Variants in GRIN2A observed in about 807,000 individuals in gnomAD.
GRIN2A encodes glutamate ionotropic receptor NMDA type subunit 2A.
GRIN2A carries 22 observed loss-of-function variants against 113.4 expected under a neutral mutation model. The ratio of observed to expected loss-of-function variants is 0.19; its 90% CI spans 0.14 to 0.28. The LOEUF is 0.28. GRIN2A is among the 10% of genes least tolerant of loss of function. The pLI, the probability that GRIN2A is intolerant of heterozygous loss-of-function variation, is 1.00. For missense variants in GRIN2A, 1,502 were observed against 1,887.0 expected, an observed-to-expected ratio of 0.80 and a Z score of 3.78; for synonymous variants, 827 against 738.4, an observed-to-expected ratio of 1.12 and a Z score of -1.94.
chr16:10,071,537 C>T (rs141625164), intron 2 of GRIN2A, among the ~76,000 whole-genome samples: 1 of 152,220 alleles, frequency 6.6e-6, no homozygotes, highest in East Asian at 1.9e-4. Context: ...TGCATTATGC[C>T]CCCAGGATGA....
At chr16:10,144,267 C>A (rs1050350354) in intron 2 of GRIN2A, among the ~76,000 whole-genome samples, 8 of 152,172 alleles carry the variant, frequency 5.3e-5, no homozygotes, top group Non-Finnish European at 1.0e-4. Flanking sequence ...TACATTAGCA[C>A]CAACAGTGTA....
intron 2 of GRIN2A, among the ~76,000 whole-genome samples, chr16:9,967,693 G>A (rs969149846): frequency 3.3e-5 from 5 of 151,984 alleles, no homozygotes; most frequent in African/African-American, 1.2e-4. Flanking sequence ...GCGACAGAGC[G>A]AGACTCCATC....
At chr16:9,798,511 C>G (rs750056058) in intron 10 of GRIN2A, 47 bp from the exon 11 acceptor site, 2 of 1,489,642 alleles carry the variant, frequency 1.3e-6, no homozygotes, top group Non-Finnish European at 1.9e-6. Flanking sequence ...CCAGGTACCA[C>G]CTCGGGGTCC....
At chr16:10,073,792 T>A (rs1193953478) in intron 2 of GRIN2A, among the ~76,000 whole-genome samples, 5 of 151,580 alleles carry the variant, frequency 3.3e-5, no homozygotes, top group South Asian at 2.1e-4. Context: ...AGCACGTGCC[T>A]GTAATCCCAG....
intron 2 of GRIN2A, among the ~76,000 whole-genome samples, chr16:9,946,679 C>T (rs1055269610): frequency 2.0e-5 from 3 of 152,132 alleles, no homozygotes; most frequent in Non-Finnish European, 2.9e-5. Context: ...GGAACATTTC[C>T]TAATCTGATC....
At chr16:9,796,211 C>A (rs1320105831) in intron 11 of GRIN2A, among the ~76,000 whole-genome samples, 3 of 152,174 alleles carry the variant, frequency 2.0e-5, no homozygotes, top group Non-Finnish European at 4.4e-5. Flanking sequence ...TGACAGATAC[C>A]TATCACATTT....
chr16:10,085,636 G>C (rs2048072372), intron 2 of GRIN2A, among the ~76,000 whole-genome samples: 1 of 152,222 alleles, frequency 6.6e-6, no homozygotes, highest in African/African-American at 2.4e-5. Flanking sequence ...GAGGGGCAGA[G>C]TCAGGTGGTT....
intron 2 of GRIN2A, among the ~76,000 whole-genome samples, chr16:10,074,185 C>T (rs1227919034): frequency 6.6e-6 from 1 of 152,192 alleles, no homozygotes; most frequent in East Asian, 1.9e-4. Flanking sequence ...GATAGCACTT[C>T]ACACTCACCA....
At position 10,038,993 on chromosome 16, in the gene GRIN2A, C is replaced by T. The variant is rs1410118142; in HGVS notation, c.415-100442G>A. Among the ~76,000 whole-genome samples, 4 of 152,276 alleles carry T rather than the reference C, an allele frequency of 2.6e-5. No individual in the cohort carries two copies. The East Asian group carries it at 7.7e-4, about 29-fold the overall frequency. On this transcript the variant is annotated intron_variant, in intron 2 of 12. Coordinates refer to ENST00000330684, the MANE Select transcript of GRIN2A (RefSeq NM_001134407.3). ...CCTCCAGGAAGCCCCCTGGCCCCCT[C>T]ATCCCCCAAACAGCAGCAAATTCAC...
rs1901083292 is a variant in GRIN2A at position 9,768,874 on chromosome 16, C to G, written c.2572G>C (p.Gly858Arg). The G allele has an allele frequency of 3.7e-6, 6 of 1,614,052 alleles. No individual in the cohort carries two copies. Among genetic ancestry groups the G allele is most frequent in the Non-Finnish European group, 5.1e-6 (6 of 1,179,934 alleles). Residue 858 changes from glycine (G) to arginine (R), a missense_variant, in exon 12 of 13, where the codon GGG becomes CGG. By Grantham distance (125) the Gly-to-Arg change is moderately radical. This residue lies in a region of GRIN2A where 832 missense variants were observed against 789.7 expected (regional missense o/e 1.05). Transcript: ENST00000330684. ...ACCCTGCTGATGGAGAAGAGCAACC[C>G]AGGCCGGTCGGAGCACACGCCCGTG... is the stretch of plus-strand genomic sequence containing the variant. ...CFTGVCSDRP[G>R]LLFSISRGIY...
chr16:9,877,927 A>C (rs893007903), intron 4 of GRIN2A, among the ~76,000 whole-genome samples: 18 of 145,730 alleles, frequency 1.2e-4, no homozygotes, highest in African/African-American at 4.4e-4. Flanking sequence ...GCGTTTCTCT[A>C]CAACACAGAT....
chr16:10,166,874 A>G (rs2049935677), intron 2 of GRIN2A, among the ~76,000 whole-genome samples: 1 of 152,138 alleles, frequency 6.6e-6, no homozygotes, highest in Non-Finnish European at 1.5e-5. Flanking sequence ...GATGACCCAC[A>G]TCCACTTGAA....
At chr16:10,128,922 C>T (rs2049003358) in intron 2 of GRIN2A, among the ~76,000 whole-genome samples, 1 of 152,204 alleles carries the variant, frequency 6.6e-6, no homozygotes, top group Non-Finnish European at 1.5e-5. Flanking sequence ...GTATTTCTTA[C>T]CATGGCAGTT....
At chr16:10,077,593 G>A (rs1037694949) in intron 2 of GRIN2A, among the ~76,000 whole-genome samples, 2 of 152,118 alleles carry the variant, frequency 1.3e-5, no homozygotes, top group Non-Finnish European at 2.9e-5. Flanking sequence ...TTTATTATCT[G>A]CCCCAAACCC....
intron 2 of GRIN2A, among the ~76,000 whole-genome samples, chr16:9,941,717 T>TATAAAATGGG (rs556401439): frequency 1.5e-3 from 227 of 152,334 alleles, no homozygotes; most frequent in African/African-American, 5.0e-3. Flanking sequence ...TTTTCTCATC[T>TATAAAATGGG]ATAAAATGGG....
intron 2 of GRIN2A, among the ~76,000 whole-genome samples, chr16:10,022,609 G>A (rs933757426): frequency 2.0e-5 from 3 of 152,162 alleles, no homozygotes; most frequent in Non-Finnish European, 2.9e-5. Context: ...CTCAGACTGA[G>A]TGCTTCCCCA....
At position 10,055,112 on chromosome 16, in the gene GRIN2A, G is replaced by GT. The variant is rs371884326; in HGVS notation, c.415-116562_415-116561insA. On this transcript the variant is annotated intron_variant, in intron 2 of 12. Transcript: ENST00000330684. Reference sequence around the variant, plus strand: ...AAAAAAGAAAGAAAGAAAGAAAAAAGAAAAAAAAAACAGTAGTTGGAAAAA... The same window carrying GT: ...AAAAAAGAAAGAAAGAAAGAAAAAAGTAAAAAAAAAACAGTAGTTGGAAAAA... 1.6e-3 allele frequency among the ~76,000 whole-genome samples: 105 copies of GT among 67,356 alleles called. 10 individuals are homozygous for GT. The highest frequency in any genetic ancestry group is 5.2e-3 in the African/African-American group (100 of 19,060). 44.2% of individuals were successfully genotyped at this position (67,356 alleles called of 152,430 possible).
chr16:10,086,015 G>A (rs1185163271), intron 2 of GRIN2A, among the ~76,000 whole-genome samples: 1 of 152,192 alleles, frequency 6.6e-6, no homozygotes, highest in African/African-American at 2.4e-5. Context: ...GGATGTGCCT[G>A]TGTGCTCCAC....
chr16:9,985,864 AG>A (rs1006953193), intron 2 of GRIN2A, among the ~76,000 whole-genome samples: 1 of 152,196 alleles, frequency 6.6e-6, no homozygotes, highest in Non-Finnish European at 1.5e-5. Flanking sequence ...ACACAAAGAA[AG>A]GGTAAATGCT....
Sources: allele counts gnomAD v4.1 joint callset (sites outside exome capture counted in the v4.1 genomes callset), GRCh38; gene constraint gnomAD v4.1.1; regional missense constraint gnomAD v4.1.1; transcripts MANE v1.5; gene names NCBI Gene and HGNC (gene_info 2026-07-23, HGNC 2026-07-21).